The following RARB variants were observed in gnomAD, a reference collection of about 807,000 sequenced individuals.
The protein encoded by RARB is retinoic acid receptor beta, also known as HBV-activated protein.
Under a neutral mutation model 51.9 loss-of-function variants are expected in RARB, and 17 were observed. That is an observed-to-expected ratio of 0.33 (90% confidence interval 0.22 to 0.49). The LOEUF is 0.49. RARB is among the 20% of genes least tolerant of loss of function. RARB has a pLI of 0.99. For synonymous variants in RARB, 215 were observed against 195.4 expected (o/e 1.10, Z -0.84); for missense variants, 369 against 550.8 (o/e 0.67, Z 3.30).
At chr3:25,276,397 C>G (rs1021928365) in intron 5 of RARB, among the ~76,000 whole-genome samples, 1 of 151,926 alleles carries the variant, frequency 6.6e-6, no homozygotes, top group Non-Finnish European at 1.5e-5. Context: ...AAGCATCACA[C>G]GATACTCAAT....
intron 3 of RARB, among the ~76,000 whole-genome samples, chr3:25,537,572 C>T (rs1559456747): frequency 6.6e-6 from 1 of 152,156 alleles, no homozygotes. Flanking sequence ...GATTCCTAAC[C>T]CCACATTGCC....
rs185533944 is a variant in RARB, at chr3:25,596,682, A to C, written c.*66A>C. ...GTTCCAGGATTTAAAATGCAAGAAAAAACATTTTTACTGCTGCTTAGTTTT... is the reference window on the plus strand; with the variant it reads ...GTTCCAGGATTTAAAATGCAAGAAACAACATTTTTACTGCTGCTTAGTTTT... On this transcript the variant is annotated 3_prime_UTR_variant, in exon 8 of 8. Transcript: ENST00000330688. The C allele has an allele frequency of 1.0e-3, 1,425 of 1,382,596 alleles. 20 individuals carry two copies. The highest frequency in any genetic ancestry group is 5.1e-5 in the Non-Finnish European group (52 of 1,012,714). The allele number at this position is 1,382,596 out of a possible 1,614,324, so 85.6% of individuals were successfully genotyped here. A position where few individuals can be genotyped will look rare whatever the true frequency, so the allele number is the denominator to read the frequency against.
chr3:25,366,364 C>G (rs1419859110), intron 5 of RARB, among the ~76,000 whole-genome samples: 1 of 152,142 alleles, frequency 6.6e-6, no homozygotes, highest in Non-Finnish European at 1.5e-5. Context: ...CTCAGGATTA[C>G]TATTTTGTTA....
At chr3:25,444,944 T>A (rs1234254048) in intron 1 of RARB, among the ~76,000 whole-genome samples, 3 of 151,936 alleles carry the variant, frequency 2.0e-5, no homozygotes, top group Non-Finnish European at 4.4e-5. Flanking sequence ...AATGAACACC[T>A]CTTTTCTTTT....
chr3:25,291,363 A>G (rs539687550), intron 5 of RARB, among the ~76,000 whole-genome samples: 1 of 152,154 alleles, frequency 6.6e-6, no homozygotes, highest in African/African-American at 2.4e-5. Context: ...AGAAAAATAA[A>G]CTTTTCTTTG....
Position 25,132,954 on chromosome 3 carries a change from A to G in RARB, c.-280+746A>G, listed in dbSNP as rs1699976621. On this transcript the variant is annotated intron_variant, in intron 4 of 11. Coordinates refer to the RARB transcript ENST00000383772. ...ATATTTAACTGATGCTATCTATGCC[A>G]TGGTATTTTATCAAATTTAAGACAA... Among the ~76,000 whole-genome samples the G allele has an allele frequency of 2.0e-5, 3 of 149,100 alleles. No individual in the cohort carries two copies. In the South Asian group the frequency reaches 6.3e-4, roughly 31 times the overall value.
chr3:25,080,575 A>G (rs73141450), intron 3 of RARB, among the ~76,000 whole-genome samples: 1,739 of 152,268 alleles, frequency 0.011, 27 homozygotes, highest in African/African-American at 0.04. Flanking sequence ...CCTTGTCAGC[A>G]CTTATTTTGT....
chr3:25,311,617 G>A (rs1264504971), intron 5 of RARB, among the ~76,000 whole-genome samples: 2 of 152,228 alleles, frequency 1.3e-5, no homozygotes, highest in Non-Finnish European at 1.5e-5. Flanking sequence ...GCAGCTGAGG[G>A]CTTCCTCAAA....
intron 2 of RARB, among the ~76,000 whole-genome samples, chr3:24,915,921 G>A (rs983662296): frequency 1.3e-5 from 2 of 152,172 alleles, no homozygotes; most frequent in African/African-American, 4.8e-5. Context: ...CATCAAGGGA[G>A]AGGCTGCAGA....
chr3:25,368,234 T>G (rs1706189020), intron 5 of RARB, among the ~76,000 whole-genome samples: 1 of 152,162 alleles, frequency 6.6e-6, no homozygotes, highest in Non-Finnish European at 1.5e-5. Context: ...GTTTATTGGT[T>G]AGCTGTTTTA....
chr3:25,036,894 G>T (rs1698006679), intron 2 of RARB, among the ~76,000 whole-genome samples: 1 of 152,150 alleles, frequency 6.6e-6, no homozygotes, highest in African/African-American at 2.4e-5. Flanking sequence ...ACAGAATTGA[G>T]TTTTTTCTTC....
intron 3 of RARB, among the ~76,000 whole-genome samples, chr3:25,106,759 A>G (rs570097061): frequency 6.6e-6 from 1 of 151,984 alleles, no homozygotes; most frequent in Admixed American, 6.6e-5. Context: ...TAACTTTTTG[A>G]TAAGTTAATC....
chr3:25,174,440 G>C (rs776449319), exon 5 of RARB: 2 of 1,352,074 alleles, frequency 1.5e-6, no homozygotes, highest in South Asian at 2.3e-5. Flanking sequence ...AGCAGTGAAC[G>C]GACACATGAC....
intron 3 of RARB, among the ~76,000 whole-genome samples, chr3:25,527,452 T>G (rs1253656566): frequency 6.6e-6 from 1 of 152,150 alleles, no homozygotes; most frequent in Non-Finnish European, 1.5e-5. Flanking sequence ...CCAATTTCCT[T>G]TAGGATAGAG....
chr3:25,592,192 A>G (rs1559483140), intron 5 of RARB, among the ~76,000 whole-genome samples: 1 of 152,226 alleles, frequency 6.6e-6, no homozygotes, highest in Non-Finnish European at 1.5e-5. Flanking sequence ...CTCTCTGCAC[A>G]TGGCTGTGTA....
chr3:24,914,154 T>C (rs1041518327), intron 2 of RARB, among the ~76,000 whole-genome samples: 1 of 152,202 alleles, frequency 6.6e-6, no homozygotes, highest in Non-Finnish European at 1.5e-5. Context: ...ACCTTCTATA[T>C]GCTCCAACAT....
chr3:24,924,976 A>G (rs2125389441), intron 2 of RARB, among the ~76,000 whole-genome samples: 1 of 152,256 alleles, frequency 6.6e-6, no homozygotes, highest in Admixed American at 6.5e-5. Flanking sequence ...GCAAGCTTAT[A>G]TCACCTGTTC....
chr3:25,323,632 T>G (rs1457632154), intron 5 of RARB, among the ~76,000 whole-genome samples: 2 of 152,178 alleles, frequency 1.3e-5, no homozygotes, highest in African/African-American at 2.4e-5. Context: ...TGAAACATTT[T>G]CCATAACTTA....
At chr3:25,536,300 A>T (rs1472223381) in intron 3 of RARB, among the ~76,000 whole-genome samples, 1 of 152,232 alleles carries the variant, frequency 6.6e-6, no homozygotes, top group African/African-American at 2.4e-5. Flanking sequence ...AGTCTGCAGA[A>T]TTCCAGTCTA....
Sources: gnomAD v4.1 joint callset for allele counts (sites outside exome capture counted in the v4.1 genomes callset) on GRCh38, gnomAD v4.1.1 for gene constraint, MANE v1.5 for transcripts, NCBI Gene and HGNC (gene_info 2026-07-23, HGNC 2026-07-21) for gene names.